Variants in GPHN observed in about 807,000 individuals in gnomAD.
GPHN encodes the protein gephyrin.
A neutral mutation model predicts 95.5 loss-of-function variants in GPHN; 17 were observed. The observed-to-expected ratio is 0.18, with a 90% CI of 0.12 to 0.27. The LOEUF is 0.27. GPHN is among the 10% of genes least tolerant of loss of function. The pLI is 1.00. For missense variants in GPHN, 660 were observed against 978.1 expected, an observed-to-expected ratio of 0.67 and a Z score of 4.34; for synonymous variants, 320 against 322.5, an observed-to-expected ratio of 0.99 and a Z score of 0.08.
chr14:67,219,090 C>T, the GPHN span, among the ~76,000 whole-genome samples: 3 of 151,994 alleles, frequency 2.0e-5, no homozygotes, highest in Non-Finnish European at 4.4e-5. Flanking sequence ...CAGTTTGGCT[C>T]ACAGGTGGTG....
At chr14:67,424,334 T>C in the GPHN span, among the ~76,000 whole-genome samples, 11 of 151,456 alleles carry the variant, frequency 7.3e-5, no homozygotes, top group African/African-American at 2.7e-4. Flanking sequence ...AAGAATGAAG[T>C]GTGCCAGGCA....
chr14:67,229,297 C>A, the GPHN span, among the ~76,000 whole-genome samples: 2 of 152,166 alleles, frequency 1.3e-5, no homozygotes, highest in East Asian at 3.8e-4. Flanking sequence ...TCAAATTTCA[C>A]ACAAATAGTA....
the GPHN span, among the ~76,000 whole-genome samples, chr14:67,496,303 G>A: frequency 6.6e-6 from 1 of 151,086 alleles, no homozygotes; most frequent in Non-Finnish European, 1.5e-5. Context: ...ATGTTGCCCA[G>A]GCTGGTCTCA....
chr14:67,642,111 T>C, the GPHN span: 1 of 1,404,412 alleles, frequency 7.1e-7, no homozygotes, highest in Non-Finnish European at 1.0e-6. Flanking sequence ...TCACGTATTA[T>C]CATTGTGGCC....
At chr14:67,340,792 G>A in the GPHN span, among the ~76,000 whole-genome samples, 8 of 152,112 alleles carry the variant, frequency 5.3e-5, no homozygotes, top group African/African-American at 1.9e-4. Context: ...TCCTGCCTCA[G>A]CCTGCCGAGT....
At chr14:67,178,702 TGA>T (rs2083149744) in intron 21 of GPHN, among the ~76,000 whole-genome samples, 1 of 152,162 alleles carries the variant, frequency 6.6e-6, no homozygotes, top group African/African-American at 2.4e-5. Flanking sequence ...CCAAATCTGT[TGA>T]GAGATATAGA....
intron 5 of GPHN, among the ~76,000 whole-genome samples, chr14:66,886,535 A>T (rs2064201563): frequency 6.6e-6 from 1 of 152,168 alleles, no homozygotes; most frequent in South Asian, 2.1e-4. Flanking sequence ...CTTTAAAAAA[A>T]TAAAGAAGAA....
chr14:67,550,478 C>T, the GPHN span, among the ~76,000 whole-genome samples: 8 of 152,200 alleles, frequency 5.3e-5, no homozygotes, highest in South Asian at 2.1e-4. Context: ...CGTGCACCAC[C>T]GCGCCCAGCC....
the GPHN span, among the ~76,000 whole-genome samples, chr14:67,568,186 G>A: frequency 6.6e-6 from 1 of 152,126 alleles, no homozygotes; most frequent in Admixed American, 6.6e-5. Flanking sequence ...CAAAGACATG[G>A]AATCAACCCA....
intron 9 of GPHN, among the ~76,000 whole-genome samples, chr14:67,020,296 A>G (rs2073541325): frequency 6.6e-6 from 1 of 152,158 alleles, no homozygotes; most frequent in Admixed American, 6.5e-5. Context: ...AATTCATGTT[A>G]TTATAACCTA....
At chr14:67,036,828 GAC>G (rs1359973435) in intron 10 of GPHN, among the ~76,000 whole-genome samples, 10 of 151,870 alleles carry the variant, frequency 6.6e-5, no homozygotes, top group Non-Finnish European at 1.5e-4. Flanking sequence ...TGGATGGAAA[GAC>G]ACAATATTGT....
At chr14:66,650,092 C>CAAA (rs112227406) in intron 1 of GPHN, among the ~76,000 whole-genome samples, 36 of 119,644 alleles carry the variant, frequency 3.0e-4, no homozygotes, top group Non-Finnish European at 5.0e-4. Flanking sequence ...GACTGCCAAC[C>CAAA]AAAAAAAAAA....
the GPHN span, among the ~76,000 whole-genome samples, chr14:67,513,752 A>T: frequency 4.6e-5 from 7 of 152,126 alleles, no homozygotes; most frequent in Non-Finnish European, 7.4e-5. Flanking sequence ...CTTCTGTCTC[A>T]CAGGGAAGCA....
At chr14:67,283,903 G>A in the GPHN span, among the ~76,000 whole-genome samples, 2 of 152,126 alleles carry the variant, frequency 1.3e-5, no homozygotes, top group Non-Finnish European at 2.9e-5. Context: ...GATTTGCTTC[G>A]TTGTCTTACG....
At chr14:66,695,022 G>A (rs1030400235) in intron 2 of GPHN, among the ~76,000 whole-genome samples, 1 of 152,016 alleles carries the variant, frequency 6.6e-6, no homozygotes, top group African/African-American at 2.4e-5. Flanking sequence ...AGCCATGCGC[G>A]GTGGTGCACG....
At chr14:67,338,340 C>A in the GPHN span, 1 of 272,080 alleles carries the variant, frequency 3.7e-6, no homozygotes, top group Non-Finnish European at 6.8e-6. Context: ...GCTTGGTAAG[C>A]AGATCACGTG....
chr14:67,326,784 G>A, the GPHN span, among the ~76,000 whole-genome samples: 1 of 152,172 alleles, frequency 6.6e-6, no homozygotes, highest in African/African-American at 2.4e-5. Flanking sequence ...GATCTGTGTT[G>A]CATCTAACAG....
the GPHN span, among the ~76,000 whole-genome samples, chr14:67,565,479 A>G: frequency 2.2e-3 from 342 of 152,224 alleles, 3 homozygotes; most frequent in African/African-American, 8.1e-3. Flanking sequence ...TCCTGGCCTC[A>G]AGTGATCCTC....
chr14:67,144,535 T>C (rs776490342), intron 18 of GPHN, among the ~76,000 whole-genome samples: 52 of 152,012 alleles, frequency 3.4e-4, no homozygotes, highest in Admixed American at 3.0e-3. Flanking sequence ...TGCCAGCTGA[T>C]AATCCTTTTC....
Sources: allele counts gnomAD v4.1 joint callset (sites outside exome capture counted in the v4.1 genomes callset), GRCh38; gene constraint gnomAD v4.1.1; transcripts MANE v1.5; gene names NCBI Gene and HGNC (gene_info 2026-07-23, HGNC 2026-07-21).